Variants in KLHL7 observed in about 807,000 individuals in gnomAD.
KLHL7 encodes kelch like family member 7.
KLHL7 carries 44 observed loss-of-function variants against 67.4 expected under a neutral mutation model. That is an observed-to-expected ratio of 0.65 (90% CI 0.51 to 0.84). The LOEUF is 0.84. KLHL7 is among the 40% of genes least tolerant of loss of function. The pLI is 0.00. For missense variants in KLHL7, 362 were observed against 718.1 expected, an observed-to-expected ratio of 0.50 and a Z score of 5.67; for synonymous variants, 252 against 243.3, an observed-to-expected ratio of 1.04 and a Z score of -0.33.
intron 4 of KLHL7, among the ~76,000 whole-genome samples, chr7:23,134,779 T>A (rs1783919085): frequency 6.6e-6 from 1 of 152,206 alleles, no homozygotes; most frequent in Non-Finnish European, 1.5e-5. Context: ...TCCTTTGAAT[T>A]TCTGCACTAT....
intron 4 of KLHL7, chr7:23,125,671 A>G: frequency 1.4e-6 from 2 of 1,382,992 alleles, no homozygotes; most frequent in South Asian, 1.8e-5. Flanking sequence ...ACTAGAAAAC[A>G]TAACCTTAGT....
intron 2 of KLHL7, 152 bp from the exon 3 acceptor site, chr7:23,124,536 C>G (rs1783490958): frequency 2.9e-6 from 2 of 693,700 alleles, no homozygotes; most frequent in Non-Finnish European, 5.3e-6. Context: ...TTTGCATTGA[C>G]TATAGAAATG....
intron 4 of KLHL7, chr7:23,125,742 A>T: frequency 6.8e-7 from 1 of 1,475,830 alleles, no homozygotes; most frequent in Non-Finnish European, 9.0e-7. Flanking sequence ...TTAATAAAGT[A>T]TTTTCTATTT....
intron 5 of KLHL7, among the ~76,000 whole-genome samples, chr7:23,142,242 C>A (rs1005026758): frequency 4.6e-5 from 7 of 152,156 alleles, no homozygotes; most frequent in Non-Finnish European, 1.5e-5. Flanking sequence ...TTTTCAGCCC[C>A]ACATCCTTCT....
intron 4 of KLHL7, chr7:23,140,551 C>T (rs532500052): frequency 8.6e-4 from 478 of 557,966 alleles, no homozygotes; most frequent in Non-Finnish European, 1.2e-3. Flanking sequence ...AGCGAGACTC[C>T]GTCTCAAAAA....
intron 10 of KLHL7, 80 bp downstream of exon 10, chr7:23,173,125 A>G (rs1785212648): frequency 1.1e-6 from 1 of 940,544 alleles, no homozygotes; most frequent in Non-Finnish European, 1.8e-6. Flanking sequence ...ATTTTTAAAA[A>G]TCTAGATAGA....
chr7:23,157,841 T>C (rs1031149140), intron 7 of KLHL7, among the ~76,000 whole-genome samples: 1 of 152,208 alleles, frequency 6.6e-6, no homozygotes, highest in African/African-American at 2.4e-5. Flanking sequence ...CAGCTGGCCT[T>C]AATTATAAAT....
intron 1 of KLHL7, among the ~76,000 whole-genome samples, chr7:23,118,225 C>G (rs1783179521): frequency 6.6e-6 from 1 of 152,170 alleles, no homozygotes; most frequent in African/African-American, 2.4e-5. Context: ...AGGATTCTTC[C>G]TGTAAAAGCC....
chr7:23,126,091 G>C (rs1244035743), intron 4 of KLHL7: 1 of 567,004 alleles, frequency 1.8e-6, no homozygotes, highest in Admixed American at 2.4e-5. Flanking sequence ...CCATTATTAA[G>C]TAAAATAAGG....
chr7:23,163,280 C>T (rs1784902737), intron 7 of KLHL7, among the ~76,000 whole-genome samples: 1 of 152,124 alleles, frequency 6.6e-6, no homozygotes, highest in African/African-American at 2.4e-5. Context: ...AAGCAACTCT[C>T]CTGCCTCAGC....
At chr7:23,133,991 G>A (rs757569886) in intron 4 of KLHL7, among the ~76,000 whole-genome samples, 66 of 152,138 alleles carry the variant, frequency 4.3e-4, no homozygotes, top group Non-Finnish European at 8.1e-4. Flanking sequence ...ACTATATTGA[G>A]TAACAGTGGT....
At chr7:23,137,094 G>A (rs1158333871) in intron 4 of KLHL7, among the ~76,000 whole-genome samples, 5 of 152,194 alleles carry the variant, frequency 3.3e-5, no homozygotes, top group Non-Finnish European at 7.3e-5. Flanking sequence ...AGACCAGTCT[G>A]GCCAACATGG....
chr7:23,122,417 G>C (rs761644127), intron 1 of KLHL7, among the ~76,000 whole-genome samples: 2 of 151,746 alleles, frequency 1.3e-5, no homozygotes, highest in Non-Finnish European at 2.9e-5. Context: ...TTTTTTGGTG[G>C]TAACCAAATA....
At chr7:23,131,683 A>G (rs1386119505) in intron 4 of KLHL7, among the ~76,000 whole-genome samples, 2 of 149,472 alleles carry the variant, frequency 1.3e-5, no homozygotes, top group Non-Finnish European at 3.0e-5. Context: ...ACAATTAAGT[A>G]TTGACTATAG....
intron 5 of KLHL7, among the ~76,000 whole-genome samples, chr7:23,142,221 C>T (rs952312961): frequency 2.0e-5 from 3 of 152,174 alleles, no homozygotes; most frequent in Non-Finnish European, 4.4e-5. Context: ...TGCAGACTCA[C>T]TTAATCTCTC....
chr7:23,147,369 T>C (rs1784391645), intron 6 of KLHL7, among the ~76,000 whole-genome samples: 1 of 152,156 alleles, frequency 6.6e-6, no homozygotes, highest in Admixed American at 6.5e-5. Flanking sequence ...GGATTACAGG[T>C]GTGAGCCACC....
chr7:23,106,233 G>A, intron 1 of KLHL7, 87 bp downstream of exon 1: 4 of 1,556,762 alleles, frequency 2.6e-6, no homozygotes, highest in Non-Finnish European at 2.6e-6. Flanking sequence ...CCCGCGCCCT[G>A]TGGATCGCGC....
At chr7:23,140,252 C>G (rs1387372727) in intron 4 of KLHL7, among the ~76,000 whole-genome samples, 2 of 152,184 alleles carry the variant, frequency 1.3e-5, no homozygotes, top group African/African-American at 4.8e-5. Context: ...AAGGGGGCTT[C>G]TCCTACAGAA....
intron 5 of KLHL7, 119 bp downstream of exon 5, chr7:23,141,063 CA>C: frequency 1.1e-6 from 1 of 904,470 alleles, no homozygotes; most frequent in Non-Finnish European, 1.8e-6. Flanking sequence ...ATGTTCTTTA[CA>C]CTAAACAGAG....
Sources: allele counts gnomAD v4.1 joint callset (sites outside exome capture counted in the v4.1 genomes callset), GRCh38; gene constraint gnomAD v4.1.1; transcripts MANE v1.5; gene names NCBI Gene and HGNC (gene_info 2026-07-23, HGNC 2026-07-21).